Variants in SMG6 observed in about 807,000 individuals in gnomAD.
SMG6 encodes SMG6 nonsense mediated mRNA decay factor.
SMG6 carries 66 observed loss-of-function variants against 142.2 expected under a neutral mutation model. The observed-to-expected ratio is 0.46, with a 90% confidence interval of 0.38 to 0.57. The LOEUF (loss-of-function observed/expected upper bound fraction) is 0.57. Among genes scored for constraint, SMG6 ranks in the 20% least tolerant of loss-of-function variants. The probability of loss-of-function intolerance (pLI) is 0.00; values close to 1 mark genes in which losing one functional copy is unlikely to be tolerated. For synonymous variants in SMG6, 779 were observed against 702.4 expected, an observed-to-expected ratio of 1.11 and a Z score of -1.72; for missense variants, 1,793 against 1,832.0, an observed-to-expected ratio of 0.98 and a Z score of 0.39.
chr17:2,273,622 G>C (rs1353285508), intron 8 of SMG6, among the ~76,000 whole-genome samples: 1 of 152,126 alleles, frequency 6.6e-6, no homozygotes, highest in African/African-American at 2.4e-5. Context: ...AACAGTGTGA[G>C]ACTTTGTCTC....
chr17:2,239,124 T>C (rs561415856), intron 9 of SMG6, among the ~76,000 whole-genome samples: 1 of 152,326 alleles, frequency 6.6e-6, no homozygotes, highest in East Asian at 1.9e-4. Flanking sequence ...TGAGAAATAA[T>C]CTTTGCTTCA....
intron 10 of SMG6, among the ~76,000 whole-genome samples, chr17:2,196,861 T>A (rs1256564471): frequency 3.9e-5 from 6 of 152,130 alleles, no homozygotes; most frequent in African/African-American, 1.4e-4. Context: ...AGACCCCACC[T>A]CTTCTAAAAT....
At chr17:2,067,319 C>T (rs1004593017) in intron 16 of SMG6, among the ~76,000 whole-genome samples, 4 of 152,188 alleles carry the variant, frequency 2.6e-5, no homozygotes, top group African/African-American at 4.8e-5. Flanking sequence ...GCCTGGGGTA[C>T]GATCAGTCCT....
intron 4 of SMG6, among the ~76,000 whole-genome samples, chr17:2,295,860 C>G (rs1457261652): frequency 6.6e-6 from 1 of 152,196 alleles, no homozygotes; most frequent in Non-Finnish European, 1.5e-5. Flanking sequence ...CTCCCCTGGA[C>G]TACCAGCTGG....
intron 13 of SMG6, among the ~76,000 whole-genome samples, chr17:2,139,819 G>A (rs916706310): frequency 6.6e-6 from 1 of 151,652 alleles, no homozygotes; most frequent in Non-Finnish European, 1.5e-5. Flanking sequence ...TCTACCTCCT[G>A]AGTTTGAGCG....
chr17:2,118,335 A>G (rs1303829804), intron 13 of SMG6, among the ~76,000 whole-genome samples: 4 of 152,090 alleles, frequency 2.6e-5, no homozygotes, highest in Non-Finnish European at 5.9e-5. Flanking sequence ...GTCAGGAGTT[A>G]AGAGACCAGC....
intron 12 of SMG6, among the ~76,000 whole-genome samples, chr17:2,177,052 C>A (rs574017950): frequency 5.3e-5 from 8 of 152,196 alleles, no homozygotes; most frequent in Admixed American, 4.6e-4. Context: ...ACACTCCTGG[C>A]TGGTTGTTTG....
At chr17:2,289,742 C>T (rs1220750809) in intron 6 of SMG6, among the ~76,000 whole-genome samples, 9 of 151,730 alleles carry the variant, frequency 5.9e-5, no homozygotes, top group African/African-American at 2.2e-4. Context: ...GAAACCCCAT[C>T]TCTACTAAAA....
intron 9 of SMG6, among the ~76,000 whole-genome samples, chr17:2,238,180 T>C (rs759351073): frequency 2.0e-5 from 3 of 152,198 alleles, no homozygotes; most frequent in African/African-American, 4.8e-5. Flanking sequence ...CAACTCTTAT[T>C]ACTGACCCCC....
In SMG6 at chr17:2,298,038, A is replaced by AG. The variant is rs1567760325; in HGVS notation, c.1864dup (p.Leu622ProfsTer3). The AG allele has an allele frequency of 1.2e-6, 2 of 1,607,544 alleles. No homozygotes were observed. Among genetic ancestry groups the AG allele is most frequent in the Non-Finnish European group, 1.7e-6 (2 of 1,178,348 alleles). On this transcript the variant is annotated frameshift_variant, in exon 3 of 19. Transcript: ENST00000263073. LOFTEE classifies it high-confidence loss of function. Reference sequence around the variant, plus strand: ...ATCTAATAGAATACAGCGCTCATATAGCTGCAGCAGTTCAGCTCTGGAATA... The same window carrying AG: ...ATCTAATAGAATACAGCGCTCATATAGGCTGCAGCAGTTCAGCTCTGGAATA...
At chr17:2,117,708 T>A (rs978529408) in intron 13 of SMG6, 1 of 152,200 alleles carries the variant, frequency 6.6e-6, no homozygotes, top group Non-Finnish European at 1.5e-5. Flanking sequence ...TCAAAACTGA[T>A]ACGTAAATTA....
At chr17:2,303,495 C>G in intron 1 of SMG6, 138 bp downstream of exon 1, 2 of 1,327,856 alleles carry the variant, frequency 1.5e-6, no homozygotes, top group Non-Finnish European at 1.9e-6. Flanking sequence ...AGCGAGGGTC[C>G]GCCGCGGCCC....
At chr17:2,141,495 G>A (rs7211019) in intron 13 of SMG6, among the ~76,000 whole-genome samples, 27,713 of 152,164 alleles carry the variant, frequency 0.18, 2,575 homozygotes, top group South Asian at 0.25. Flanking sequence ...AGGCTGGAGT[G>A]CAGTGGCACA....
At chr17:2,114,952 AAAAAAATGAAATG>A (rs2069455798) in intron 13 of SMG6, among the ~76,000 whole-genome samples, 1 of 101,672 alleles carries the variant, frequency 9.8e-6, no homozygotes, top group African/African-American at 4.5e-5. Flanking sequence ...AAAATAAAAT[AAAAAAATGAAATG>A]AAATGAAATA....
At chr17:2,230,009 A>C (rs569520624) in intron 10 of SMG6, among the ~76,000 whole-genome samples, 168 of 151,666 alleles carry the variant, frequency 1.1e-3, no homozygotes, top group African/African-American at 3.9e-3. Flanking sequence ...AATGTGGTGA[A>C]ACCCTGTCTC....
intron 13 of SMG6, among the ~76,000 whole-genome samples, chr17:2,100,672 T>C (rs945746790): frequency 1.3e-5 from 2 of 152,006 alleles, no homozygotes; most frequent in African/African-American, 2.4e-5. Flanking sequence ...ACCTATCGAG[T>C]AGCTGGGAAT....
At chr17:2,295,803 C>T (rs1056040735) in intron 4 of SMG6, among the ~76,000 whole-genome samples, 1 of 152,174 alleles carries the variant, frequency 6.6e-6, no homozygotes, top group African/African-American at 2.4e-5. Flanking sequence ...CACACACCTC[C>T]ACATCAGCAT....
At chr17:2,202,463 GA>G (rs2151726771) in intron 10 of SMG6, among the ~76,000 whole-genome samples, 1 of 152,130 alleles carries the variant, frequency 6.6e-6, no homozygotes, top group African/African-American at 2.4e-5. Context: ...AAGGCAGGAA[GA>G]TCACTTGAGC....
chr17:2,257,512 T>A (rs1447593463), intron 8 of SMG6, among the ~76,000 whole-genome samples: 2 of 152,136 alleles, frequency 1.3e-5, no homozygotes, highest in African/African-American at 4.8e-5. Flanking sequence ...GTAGTAGCAA[T>A]TCCATCTGCT....
Sources: allele counts gnomAD v4.1 joint callset (sites outside exome capture counted in the v4.1 genomes callset), GRCh38; gene constraint gnomAD v4.1.1; transcripts MANE v1.5; gene names NCBI Gene and HGNC (gene_info 2026-07-23, HGNC 2026-07-21).